EPG5: variants seen among roughly 807,000 people sequenced by gnomAD.
EPG5 encodes the protein ectopic P granules protein 5 homolog.
Under a neutral mutation model 302.7 loss-of-function variants are expected in EPG5, and 159 were observed. That is an observed-to-expected ratio of 0.53 (90% CI 0.46 to 0.60). EPG5 has a LOEUF of 0.60. Among genes scored for constraint, EPG5 ranks in the 20% least tolerant of loss-of-function variants. The probability of loss-of-function intolerance (pLI) is 0.00; values close to 1 mark genes in which losing one functional copy is unlikely to be tolerated. For missense variants in EPG5, 2,896 were observed against 3,092.4 expected, an observed-to-expected ratio of 0.94 and a Z score of 1.51; for synonymous variants, 1,158 against 1,136.8, an observed-to-expected ratio of 1.02 and a Z score of -0.37.
chr18:45,890,050 T>A (rs764415137), intron 27 of EPG5, 110 bp from the exon 28 acceptor site: 14 of 849,500 alleles, frequency 1.6e-5, no homozygotes, highest in Middle Eastern at 3.7e-4. Flanking sequence ...AAAATTTGTA[T>A]CTCTTTATAT....
chr18:45,898,876 C>G (rs1389381500), intron 27 of EPG5, among the ~76,000 whole-genome samples: 2 of 152,198 alleles, frequency 1.3e-5, no homozygotes, highest in African/African-American at 4.8e-5. Context: ...CCTGTAATGC[C>G]AGCACTTTGG....
At chr18:45,875,019 TA>T (rs1442146521) in intron 35 of EPG5, among the ~76,000 whole-genome samples, 3 of 152,202 alleles carry the variant, frequency 2.0e-5, no homozygotes, top group Non-Finnish European at 1.5e-5. Flanking sequence ...TGCCTTACCC[TA>T]GATTGTGAGT....
chr18:45,804,990 T>C, the EPG5 span, among the ~76,000 whole-genome samples: 2 of 152,154 alleles, frequency 1.3e-5, no homozygotes. Context: ...GCATATTTTA[T>C]GCAAAGTGGG....
At chr18:45,891,859 C>T (rs1427090395) in intron 27 of EPG5, among the ~76,000 whole-genome samples, 1 of 152,150 alleles carries the variant, frequency 6.6e-6, no homozygotes, top group Non-Finnish European at 1.5e-5. Flanking sequence ...TGAAATCTTT[C>T]AAATAACAGA....
At chr18:45,804,349 T>C in the EPG5 span, among the ~76,000 whole-genome samples, 106 of 151,780 alleles carry the variant, frequency 7.0e-4, no homozygotes, top group African/African-American at 2.5e-3. Context: ...GGACATGGGG[T>C]AGAAAAAAAT....
In EPG5 at chr18:45,915,299, T is replaced by A. The variant is rs60006789; in HGVS notation, c.3693+212A>T. ...ATCTCAAAAAAAATAAAAATAAAAA[T>A]AAAAAACTCAGTTAACTCCTCTGTA... is the stretch of plus-strand genomic sequence containing the variant. On this transcript the variant is annotated intron_variant, in intron 20 of 43. Coordinates refer to ENST00000282041, the MANE Select transcript of EPG5 (RefSeq NM_020964.3). Among the ~76,000 whole-genome samples the A allele has an allele frequency of 0.25, 38,551 of 151,310 alleles. 5,915 individuals are homozygous for A. Among genetic ancestry groups the A allele is most frequent in the African/African-American group, 0.41 (16,922 of 41,144 alleles).
the EPG5 span, among the ~76,000 whole-genome samples, chr18:45,822,397 G>C: frequency 5.3e-5 from 8 of 152,238 alleles, no homozygotes; most frequent in Admixed American, 5.2e-4. Flanking sequence ...GGGAAGGGTA[G>C]GGAAAGGAGA....
At position 45,910,614 on chromosome 18, in the gene EPG5, C is replaced by G. The variant is rs748634612; in HGVS notation, c.4112G>C (p.Arg1371Pro). The G allele has an allele frequency of 3.1e-6, 5 of 1,614,048 alleles. No individual in the cohort carries two copies. Among genetic ancestry groups the G allele is most frequent in the Non-Finnish European group, 4.2e-6 (5 of 1,180,034 alleles). Residue 1371 changes from arginine to proline, a missense_variant, in exon 23 of 44, where the codon CGT becomes CCT. Coordinates refer to ENST00000282041, the MANE Select transcript of EPG5 (RefSeq NM_020964.3). ...CCCTTCACTGCCCTCTGCTGGAACA[C>G]GGAGGGCCTTGCTTGCAGCATGGTG... ...DFHHAASKAL[R>P]VPAEGSEGLP...
intron 18 of EPG5, 104 bp from the exon 19 acceptor site, chr18:45,916,310 T>C: frequency 6.6e-7 from 1 of 1,519,428 alleles, no homozygotes; most frequent in East Asian, 2.3e-5. Flanking sequence ...CCAAATCTAT[T>C]GCCTTTCTTG....
chr18:45,869,366 C>A (rs866476810), intron 36 of EPG5, among the ~76,000 whole-genome samples: 6 of 152,122 alleles, frequency 3.9e-5, no homozygotes, highest in Non-Finnish European at 5.9e-5. Flanking sequence ...TCATCCTCAA[C>A]CCCACCAAAA....
At chr18:45,870,869 C>T (rs1018831924) in intron 35 of EPG5, 127 bp from the exon 36 acceptor site, 1 of 733,832 alleles carries the variant, frequency 1.4e-6, no homozygotes, top group African/African-American at 1.8e-5. Flanking sequence ...CAAAGATTTT[C>T]ATGTAGGGAG....
chr18:45,915,006 C>T (rs1432994937), intron 20 of EPG5, among the ~76,000 whole-genome samples: 2 of 150,668 alleles, frequency 1.3e-5, no homozygotes, highest in Non-Finnish European at 2.9e-5. Flanking sequence ...AGGCAGGGCG[C>T]GGTGGCTCAC....
rs1265430677 is a variant in EPG5 at position 45,916,431 on chromosome 18, C to A, written c.3384+7G>T. On this transcript the variant is annotated splice_region_variant and intron_variant, in intron 18 of 43. Transcript: ENST00000282041. ...GGAGTGTGCTTAGGGGCTTGCAAGG[C>A]CCTCACCTGGATCATGCTGTTGAGA... is the stretch of plus-strand genomic sequence containing the variant. The A allele has an allele frequency of 6.2e-7, 1 of 1,607,252 alleles. No individual in the cohort carries two copies. The highest frequency in any genetic ancestry group is 1.1e-5 in the South Asian group (1 of 90,834).
At chr18:45,954,268 C>A (rs1436572716) in intron 2 of EPG5, 126 bp downstream of exon 2, 2 of 871,752 alleles carry the variant, frequency 2.3e-6, no homozygotes, top group Non-Finnish European at 3.5e-6. Context: ...ACTTTGTGAT[C>A]CCTGCACTCT....
At chr18:45,900,741 G>A (rs550716180) in intron 26 of EPG5, among the ~76,000 whole-genome samples, 2 of 152,258 alleles carry the variant, frequency 1.3e-5, no homozygotes, top group South Asian at 4.1e-4. Flanking sequence ...GAAAATCTTA[G>A]CTGGCACTGC....
intron 1 of EPG5, among the ~76,000 whole-genome samples, chr18:45,960,269 T>A (rs77038966): frequency 1.1e-3 from 174 of 151,840 alleles, no homozygotes; most frequent in East Asian, 3.3e-3. Context: ...TTTCCTTTTT[T>A]AAAAAAAAAT....
At chr18:45,919,091 G>GA (rs961585082) in intron 16 of EPG5, among the ~76,000 whole-genome samples, 6 of 151,896 alleles carry the variant, frequency 4.0e-5, no homozygotes, top group Admixed American at 1.3e-4. Context: ...AAAATAAACA[G>GA]AAAAAAAATC....
chr18:45,902,547 G>C (rs1200532968), intron 25 of EPG5, among the ~76,000 whole-genome samples: 2 of 152,146 alleles, frequency 1.3e-5, no homozygotes, highest in African/African-American at 2.4e-5. Flanking sequence ...GACCACAACT[G>C]ACAAAAATAT....
the EPG5 span, chr18:45,837,110 A>C: frequency 6.2e-7 from 1 of 1,612,254 alleles, no homozygotes; most frequent in South Asian, 1.1e-5. Flanking sequence ...TATTATTATC[A>C]CCATCTCGGG....
Sources: allele counts gnomAD v4.1 joint callset (sites outside exome capture counted in the v4.1 genomes callset), GRCh38; gene constraint gnomAD v4.1.1; transcripts MANE v1.5; gene names NCBI Gene and HGNC (gene_info 2026-07-23, HGNC 2026-07-21).